The following CECR2 variants were observed in gnomAD, a reference collection of about 807,000 sequenced individuals.
The protein encoded by CECR2 is CECR2 histone acetyl-lysine reader.
CECR2 carries 30 observed loss-of-function variants against 154.5 expected under a neutral mutation model. That is an observed-to-expected ratio of 0.19 (90% CI 0.15 to 0.26). The LOEUF (loss-of-function observed/expected upper bound fraction) is 0.26, where lower values mean the gene tolerates loss of function less well. Ranked by LOEUF, CECR2 falls within the 10% of genes least tolerant of loss-of-function variation. The probability of loss-of-function intolerance (pLI) is 1.00; values close to 1 mark genes in which losing one functional copy is unlikely to be tolerated. For missense variants in CECR2, 1,743 were observed against 1,829.3 expected, an observed-to-expected ratio of 0.95 and a Z score of 0.86; for synonymous variants, 725 against 683.7, an observed-to-expected ratio of 1.06 and a Z score of -0.94.
intron 1 of CECR2, among the ~76,000 whole-genome samples, chr22:17,383,088 C>T (rs780149935): frequency 3.9e-5 from 6 of 152,048 alleles, no homozygotes; most frequent in East Asian, 1.9e-4. Context: ...TAGCCGGGCA[C>T]GGTGGCGGGC....
intron 9 of CECR2, among the ~76,000 whole-genome samples, chr22:17,531,487 A>C (rs1465729020): frequency 1.3e-5 from 2 of 152,206 alleles, no homozygotes; most frequent in Non-Finnish European, 2.9e-5. Context: ...TATGTGCAGG[A>C]TCCCAGCCCC....
At chr22:17,366,460 T>G (rs1461616587), upstream of CECR2, among the ~76,000 whole-genome samples, 1 of 152,176 alleles carries the variant, frequency 6.6e-6, no homozygotes, top group Non-Finnish European at 1.5e-5. Flanking sequence ...GTGCTGAGAT[T>G]ACAGGCGTCA....
intron 1 of CECR2, among the ~76,000 whole-genome samples, chr22:17,423,332 CCTCT>C (rs927752243): frequency 1.3e-5 from 2 of 151,964 alleles, no homozygotes; most frequent in African/African-American, 2.4e-5. Flanking sequence ...CTGATAAAAC[CCTCT>C]CTCTACTAAA....
intron 1 of CECR2, among the ~76,000 whole-genome samples, chr22:17,439,676 T>G (rs2054555656): frequency 6.6e-6 from 1 of 152,214 alleles, no homozygotes; most frequent in African/African-American, 2.4e-5. Flanking sequence ...AATCTGGTAG[T>G]ACCTATTAAA....
chr22:17,399,500 C>CTCT (rs2053860714), intron 1 of CECR2, among the ~76,000 whole-genome samples: 1 of 151,062 alleles, frequency 6.6e-6, no homozygotes, highest in Admixed American at 6.6e-5. Context: ...TCACTGCAAC[C>CTCT]TCTGCCTCCT....
At chr22:17,388,703 ACTTG>A (rs2063293210) in intron 1 of CECR2, among the ~76,000 whole-genome samples, 2 of 152,334 alleles carry the variant, frequency 1.3e-5, no homozygotes, top group South Asian at 2.1e-4. Context: ...TTTTTTCTTC[ACTTG>A]CTTAAATTAC....
At chr22:17,368,512 A>C (rs1239451352), upstream of CECR2, among the ~76,000 whole-genome samples, 5 of 151,996 alleles carry the variant, frequency 3.3e-5, no homozygotes, top group African/African-American at 1.2e-4. Context: ...TTTTCTTAGG[A>C]TTTAGCAGTA....
Position 17,532,590 on chromosome 22 carries a change from A to C in CECR2, c.1109-4513A>C, listed in dbSNP as rs9617593. On this transcript the variant is annotated intron_variant, in intron 9 of 18. Coordinates refer to ENST00000262608, the MANE Select transcript of CECR2 (RefSeq NM_001290047.2). Reference sequence around the variant, plus strand: ...ATTTAGTGTCTACAACGAAAAATACATAGGTATGTATACATATTTGAGGTG... The same window carrying C: ...ATTTAGTGTCTACAACGAAAAATACCTAGGTATGTATACATATTTGAGGTG... 4.5e-3 allele frequency among the ~76,000 whole-genome samples: 680 copies of C among 152,086 alleles called. 5 individuals are homozygous for C. Among genetic ancestry groups the C allele is most frequent in the African/African-American group, 0.015 (620 of 41,476 alleles).
intron 1 of CECR2, among the ~76,000 whole-genome samples, chr22:17,360,890 C>T (rs1052373694): frequency 2.0e-5 from 3 of 150,988 alleles, no homozygotes; most frequent in African/African-American, 7.3e-5. Context: ...AGGCTAGGTA[C>T]AGTGGCTCAT....
intron 9 of CECR2, among the ~76,000 whole-genome samples, chr22:17,525,048 C>T (rs2056234915): frequency 6.7e-6 from 1 of 148,398 alleles, no homozygotes; most frequent in Non-Finnish European, 1.5e-5. Flanking sequence ...CTTTGGGAGG[C>T]CAAGGGGGGC....
intron 1 of CECR2, among the ~76,000 whole-genome samples, chr22:17,426,805 T>C (rs1188382328): frequency 6.6e-6 from 1 of 152,236 alleles, no homozygotes; most frequent in Non-Finnish European, 1.5e-5. Context: ...CGGTTCTCTC[T>C]GTGTCCTATA....
At chr22:17,490,886 G>T (rs1188531957) in intron 2 of CECR2, among the ~76,000 whole-genome samples, 1 of 84,478 alleles carries the variant, frequency 1.2e-5, no homozygotes, top group African/African-American at 3.9e-5. Flanking sequence ...ATCATTCCCT[G>T]TTTCCTCCCA....
At chr22:17,487,937 CAAT>C (rs2055453076) in intron 2 of CECR2, among the ~76,000 whole-genome samples, 1 of 152,044 alleles carries the variant, frequency 6.6e-6, no homozygotes, top group Non-Finnish European at 1.5e-5. Flanking sequence ...GGTTTGAGTG[CAAT>C]GGCCTGATCT....
intron 1 of CECR2, among the ~76,000 whole-genome samples, chr22:17,461,373 T>TGTGAGA (rs2054935084): frequency 6.6e-6 from 1 of 152,240 alleles, no homozygotes; most frequent in Non-Finnish European, 1.5e-5. Context: ...ACAGTATTTT[T>TGTGAGA]CAAGTCCCAT....
intron 1 of CECR2, 89 bp downstream of exon 1, chr22:17,369,998 GC>G (rs2063035583): frequency 6.6e-6 from 1 of 151,376 alleles, no homozygotes; most frequent in Non-Finnish European, 1.5e-5. Context: ...GCGCAGAGGG[GC>G]CGGGGCCCGA....
intron 7 of CECR2, 129 bp from the exon 8 acceptor site, chr22:17,511,684 G>T: frequency 4.8e-6 from 3 of 621,560 alleles, no homozygotes; most frequent in Non-Finnish European, 8.6e-6. Context: ...TTGTCCTAAG[G>T]AAGCCTTTGG....
intron 1 of CECR2, among the ~76,000 whole-genome samples, chr22:17,417,802 G>T (rs1458926998): frequency 6.6e-6 from 1 of 151,962 alleles, no homozygotes; most frequent in Admixed American, 6.6e-5. Flanking sequence ...TGTATTTTTA[G>T]TAGAGACAGG....
At chr22:17,399,449 C>T (rs1257221370) in intron 1 of CECR2, among the ~76,000 whole-genome samples, 2 of 145,120 alleles carry the variant, frequency 1.4e-5, no homozygotes, top group Non-Finnish European at 3.0e-5. Flanking sequence ...GATGGAGTCT[C>T]CTTCTGTCTC....
At chr22:17,438,594 G>A (rs997804427) in intron 1 of CECR2, among the ~76,000 whole-genome samples, 4 of 151,606 alleles carry the variant, frequency 2.6e-5, no homozygotes, top group East Asian at 1.9e-4. Context: ...ACACAAATTC[G>A]TAAACTTTCT....
Sources: allele counts gnomAD v4.1 joint callset (sites outside exome capture counted in the v4.1 genomes callset), GRCh38; gene constraint gnomAD v4.1.1; transcripts MANE v1.5; gene names NCBI Gene and HGNC (gene_info 2026-07-23, HGNC 2026-07-21).